The following CCDC7 variants were observed in gnomAD, a reference collection of about 807,000 sequenced individuals.
The protein encoded by CCDC7 is coiled-coil domain containing 7, also known as coiled-coil domain-containing protein 7.
A neutral mutation model predicts 196.9 loss-of-function variants in CCDC7; 183 were observed. The observed-to-expected ratio is 0.93, with a 90% CI of 0.82 to 1.05. The LOEUF (loss-of-function observed/expected upper bound fraction) is 1.05. Among genes scored for constraint, CCDC7 ranks in the 50% least tolerant of loss-of-function variants. The pLI is 0.00. For synonymous variants in CCDC7, 525 were observed against 484.6 expected (o/e 1.08, Z -1.10); for missense variants, 1,540 against 1,482.2 (o/e 1.04, Z -0.64).
intron 41 of CCDC7, among the ~76,000 whole-genome samples, chr10:32,856,283 G>T (rs949695093): frequency 6.6e-6 from 1 of 152,142 alleles, no homozygotes; most frequent in African/African-American, 2.4e-5. Flanking sequence ...GCAAACCACA[G>T]AATGGGAGAA....
intron 41 of CCDC7, among the ~76,000 whole-genome samples, chr10:32,869,062 A>G (rs2094324622): frequency 6.6e-6 from 1 of 152,204 alleles, no homozygotes; most frequent in Non-Finnish European, 1.5e-5. Context: ...AGCATGATTT[A>G]TAATCCTTTG....
chr10:32,759,517 G>A (rs1158637152), intron 28 of CCDC7, among the ~76,000 whole-genome samples: 2 of 152,072 alleles, frequency 1.3e-5, no homozygotes, highest in Admixed American at 6.5e-5. Context: ...TTAATAAATG[G>A]TGCTGGGAAA....
intron 13 of CCDC7, among the ~76,000 whole-genome samples, chr10:32,556,896 C>G (rs958975623): frequency 1.3e-5 from 2 of 152,182 alleles, no homozygotes; most frequent in African/African-American, 2.4e-5. Flanking sequence ...GTTCAACTTC[C>G]TCTCTGAAGT....
rs1377800414 is a variant in CCDC7 at position 32,837,166 on chromosome 10, A to G, written c.3352+2268A>G. ...TACAGAATGGAAGAAAATTTTTGCA[A>G]TCTACTCATCTGACGAAGGGCTAAT... is the stretch of plus-strand genomic sequence containing the variant. On this transcript the variant is annotated intron_variant, in intron 33 of 41. Transcript: ENST00000639629. 2.6e-5 allele frequency among the ~76,000 whole-genome samples: 4 copies of G among 152,126 alleles called. No individual in the cohort carries two copies. In the South Asian group the frequency reaches 6.2e-4, roughly 24 times the overall value.
intron 20 of CCDC7, among the ~76,000 whole-genome samples, chr10:32,638,803 T>C (rs1465300569): frequency 1.3e-5 from 2 of 152,232 alleles, no homozygotes; most frequent in African/African-American, 4.8e-5. Context: ...TCAGAAGGAA[T>C]GGTACCAGCT....
intron 32 of CCDC7, among the ~76,000 whole-genome samples, chr10:32,832,038 T>C (rs2092236227): frequency 1.3e-5 from 2 of 152,210 alleles, no homozygotes; most frequent in African/African-American, 4.8e-5. Flanking sequence ...TACATTAAGA[T>C]GTTACAATGG....
intron 24 of CCDC7, among the ~76,000 whole-genome samples, chr10:32,708,417 A>T (rs1308856876): frequency 1.3e-5 from 2 of 152,232 alleles, no homozygotes; most frequent in Non-Finnish European, 2.9e-5. Flanking sequence ...ATGGACAAAA[A>T]CTTCATGACT....
chr10:32,850,288 G>A (rs2093500274), intron 39 of CCDC7, among the ~76,000 whole-genome samples: 1 of 152,160 alleles, frequency 6.6e-6, no homozygotes, highest in Non-Finnish European at 1.5e-5. Context: ...ATGAAGCAGA[G>A]TGTAGAAGGG....
At chr10:32,781,182 GA>G (rs2081007232) in intron 29 of CCDC7, among the ~76,000 whole-genome samples, 1 of 151,960 alleles carries the variant, frequency 6.6e-6, no homozygotes, top group South Asian at 2.1e-4. Context: ...TTCCAACAAA[GA>G]AAAATCCAGG....
intron 20 of CCDC7, among the ~76,000 whole-genome samples, chr10:32,653,098 C>T (rs2069082380): frequency 6.6e-6 from 1 of 152,272 alleles, no homozygotes; most frequent in Admixed American, 6.5e-5. Flanking sequence ...CAATTCTTTT[C>T]CTTCAGCACT....
chr10:32,718,917 A>G (rs1288816393), intron 25 of CCDC7, among the ~76,000 whole-genome samples: 3 of 152,360 alleles, frequency 2.0e-5, no homozygotes, highest in African/African-American at 4.8e-5. Context: ...ATGGATAGGA[A>G]TAATCAAGAT....
At chr10:32,510,330 A>G (rs1041203793) in intron 9 of CCDC7, among the ~76,000 whole-genome samples, 5 of 152,200 alleles carry the variant, frequency 3.3e-5, no homozygotes, top group African/African-American at 9.6e-5. Context: ...TCAGTTTTCC[A>G]AGATAAATAA....
chr10:32,474,167 A>T, intron 8 of CCDC7, 144 bp downstream of exon 9: 2 of 417,050 alleles, frequency 4.8e-6, no homozygotes, highest in Non-Finnish European at 3.7e-6. Context: ...TCAAGCAAGT[A>T]TTGAAATTCT....
At chr10:32,539,121 T>C (rs926363138) in intron 11 of CCDC7, among the ~76,000 whole-genome samples, 1 of 152,138 alleles carries the variant, frequency 6.6e-6, no homozygotes, top group African/African-American at 2.4e-5. Context: ...AGAATTTGGC[T>C]GTGAATCTCT....
chr10:32,757,908 T>C (rs2076745355), intron 28 of CCDC7, among the ~76,000 whole-genome samples: 1 of 152,130 alleles, frequency 6.6e-6, no homozygotes, highest in African/African-American at 2.4e-5. Flanking sequence ...TGAAAAATGA[T>C]AAACGGGATA....
intron 29 of CCDC7, among the ~76,000 whole-genome samples, chr10:32,794,304 T>C (rs1192779532): frequency 6.6e-6 from 1 of 152,234 alleles, no homozygotes; most frequent in Non-Finnish European, 1.5e-5. Flanking sequence ...GTACCATATT[T>C]TCTTTATCCA....
intron 32 of CCDC7, among the ~76,000 whole-genome samples, chr10:32,832,387 C>T (rs541933685): frequency 6.6e-6 from 1 of 152,024 alleles, no homozygotes; most frequent in African/African-American, 2.4e-5. Context: ...CCTGTAATCC[C>T]AGTTACTCAT....
At chr10:32,878,444 C>T (rs2094670115), downstream of CCDC7, among the ~76,000 whole-genome samples, 1 of 152,074 alleles carries the variant, frequency 6.6e-6, no homozygotes, top group Non-Finnish European at 1.5e-5. Flanking sequence ...CAGGAATAGT[C>T]TTTCAACTGA....
intron 28 of CCDC7, among the ~76,000 whole-genome samples, chr10:32,733,416 T>G (rs1055210331): frequency 6.6e-6 from 1 of 152,106 alleles, no homozygotes; most frequent in Non-Finnish European, 1.5e-5. Context: ...TAGATGGAGA[T>G]TTTTTTAATT....
Sources: gnomAD v4.1 joint callset for allele counts (sites outside exome capture counted in the v4.1 genomes callset) on GRCh38, gnomAD v4.1.1 for gene constraint, MANE v1.5 for transcripts, NCBI Gene and HGNC (gene_info 2026-07-23, HGNC 2026-07-21) for gene names.